DMD: variants seen among roughly 807,000 people sequenced by gnomAD.
DMD encodes the protein dystrophin.
In DMD, 63 loss-of-function variants were observed where a neutral mutation model predicts 330.1. That is an observed-to-expected ratio of 0.19 (90% confidence interval 0.16 to 0.24). DMD has a LOEUF of 0.24. Among genes scored for constraint, DMD ranks in the 10% least tolerant of loss-of-function variants. DMD has a pLI of 1.00. For synonymous variants in DMD, 1,223 were observed against 959.8 expected (o/e 1.27, Z -5.07); for missense variants, 3,344 against 2,684.1 (o/e 1.25, Z -5.43).
chrX:31,310,440 C>T (rs1387432103), intron 62 of DMD, among the ~76,000 whole-genome samples: 2 of 108,680 alleles, frequency 1.8e-5, no homozygotes, highest in African/African-American at 6.7e-5. Flanking sequence ...TAAGTAAGAG[C>T]GAGAAAAAAC....
chrX:33,220,416 C>G (rs2052153362), intron 1 of DMD, among the ~76,000 whole-genome samples: 1 of 111,752 alleles, frequency 8.9e-6, no homozygotes, highest in South Asian at 3.7e-4. Context: ...TAGCCTTTGC[C>G]TTCATTTTCA....
At chrX:31,880,690 A>G (rs927546357) in intron 47 of DMD, among the ~76,000 whole-genome samples, 2 of 112,182 alleles carry the variant, frequency 1.8e-5, no homozygotes, top group Non-Finnish European at 3.8e-5. Context: ...CTGTGATCCT[A>G]TGAGATTACA....
chrX:32,770,768 T>C (rs945506191), intron 7 of DMD, among the ~76,000 whole-genome samples: 1 of 111,683 alleles, frequency 9.0e-6, no homozygotes, highest in Non-Finnish European at 1.9e-5. Flanking sequence ...TTATGAAGCT[T>C]AAATTCTAGG....
At chrX:32,632,478 A>G (rs1394078063) in intron 11 of DMD, among the ~76,000 whole-genome samples, 1 of 112,517 alleles carries the variant, frequency 8.9e-6, no homozygotes, top group East Asian at 2.8e-4. Flanking sequence ...GTGGGGGATC[A>G]AAGCCCACAT....
At chrX:31,260,873 C>T (rs2050442771) in intron 63 of DMD, 82 bp downstream of exon 63, 6 of 898,711 alleles carry the variant, frequency 6.7e-6, no homozygotes, top group Middle Eastern at 2.6e-4. Flanking sequence ...ATTTATATAG[C>T]AAGTAACTTT....
chrX:31,381,357 C>T (rs749952375), intron 60 of DMD, among the ~76,000 whole-genome samples: 3 of 111,852 alleles, frequency 2.7e-5, no homozygotes, highest in East Asian at 2.8e-4. Flanking sequence ...TGTCTGCGTG[C>T]GGCAGCCGCC....
At chrX:33,035,222 T>C (rs1174297287) in intron 1 of DMD, among the ~76,000 whole-genome samples, 1 of 111,801 alleles carries the variant, frequency 8.9e-6, no homozygotes, top group African/African-American at 3.3e-5. Flanking sequence ...TTTTTACATG[T>C]TTATTTAAGA....
chrX:33,179,410 T>C (rs1293248768), intron 1 of DMD, among the ~76,000 whole-genome samples: 1 of 111,411 alleles, frequency 9.0e-6, no homozygotes, highest in Admixed American at 9.6e-5. Flanking sequence ...AGAAATTGAA[T>C]GGGCCGGGTG....
intron 41 of DMD, among the ~76,000 whole-genome samples, chrX:32,327,800 A>G (rs1456429893): frequency 8.9e-6 from 1 of 111,862 alleles, no homozygotes; most frequent in Admixed American, 9.6e-5. Context: ...GACACAATCA[A>G]TTTTCACTCC....
chrX:32,619,725 G>A (rs1039920076), intron 11 of DMD, among the ~76,000 whole-genome samples: 2 of 111,579 alleles, frequency 1.8e-5, no homozygotes, highest in African/African-American at 6.5e-5. Context: ...AATATGTTTC[G>A]CTCAGTAGAC....
intron 50 of DMD, among the ~76,000 whole-genome samples, chrX:31,797,160 T>A (rs2091870655): frequency 9.0e-6 from 1 of 111,558 alleles, no homozygotes; most frequent in Non-Finnish European, 1.9e-5. Context: ...TGACAATAAG[T>A]ACAGGATAGG....
intron 41 of DMD, among the ~76,000 whole-genome samples, chrX:32,316,407 C>A (rs1055186655): frequency 9.9e-5 from 11 of 110,978 alleles, no homozygotes; most frequent in African/African-American, 3.3e-4. Flanking sequence ...GGCAACAGTT[C>A]AGCTATACGT....
chrX:32,067,345 A>G (rs1326783860), intron 44 of DMD, among the ~76,000 whole-genome samples: 1 of 111,173 alleles, frequency 9.0e-6, no homozygotes, highest in African/African-American at 3.3e-5. Flanking sequence ...GAATATTTAT[A>G]TGACATCTTT....
chrX:31,556,047 A>T (rs5927769), intron 55 of DMD, among the ~76,000 whole-genome samples: 34 of 109,564 alleles, frequency 3.1e-4, no homozygotes, highest in African/African-American at 1.0e-3. Flanking sequence ...ATTTTAAAAG[A>T]TTTATGATAG....
chrX:31,886,516 A>G (rs971230944), intron 47 of DMD, among the ~76,000 whole-genome samples: 1 of 112,287 alleles, frequency 8.9e-6, no homozygotes, highest in South Asian at 3.7e-4. Flanking sequence ...TTAGGAAAGA[A>G]CTATAACTGA....
At chrX:32,159,288 G>A (rs73219232) in intron 44 of DMD, among the ~76,000 whole-genome samples, 3,543 of 112,170 alleles carry the variant, frequency 0.032, 65 homozygotes, top group Non-Finnish European at 0.05. Context: ...CCATATGGAA[G>A]AAATAGACAT....
chrX:32,403,334 C>A (rs934782429), intron 30 of DMD, among the ~76,000 whole-genome samples: 1 of 111,202 alleles, frequency 9.0e-6, no homozygotes, highest in Non-Finnish European at 1.9e-5. Context: ...GTGGCTGTAG[C>A]GTGAAGTTAT....
intron 62 of DMD, among the ~76,000 whole-genome samples, chrX:31,310,199 CTCTCTCCAT>C (rs1386233439): frequency 0.017 from 1,251 of 73,414 alleles, 20 homozygotes; most frequent in African/African-American, 0.081. Flanking sequence ...CTCTCTCTCT[CTCTCTCCAT>C]ATATATATAT....
At chrX:31,361,970 C>T (rs2058963817) in intron 60 of DMD, among the ~76,000 whole-genome samples, 1 of 111,448 alleles carries the variant, frequency 9.0e-6, no homozygotes, top group Non-Finnish European at 1.9e-5. Flanking sequence ...GGGGTTTCAC[C>T]CTGTTGGCCA....
Sources: allele counts gnomAD v4.1 joint callset (sites outside exome capture counted in the v4.1 genomes callset), GRCh38; gene constraint gnomAD v4.1.1; transcripts MANE v1.5; gene names NCBI Gene and HGNC (gene_info 2026-07-23, HGNC 2026-07-21).